Variants in NRXN2 observed in about 807,000 individuals in gnomAD.
The protein encoded by NRXN2 is neurexin-2-beta.
In NRXN2, 29 loss-of-function variants were observed where a neutral mutation model predicts 128.8. The observed-to-expected ratio is 0.23, with a 90% CI of 0.17 to 0.31. The LOEUF is 0.31. NRXN2 is among the 10% of genes least tolerant of loss of function. The probability of loss-of-function intolerance (pLI) is 1.00; values close to 1 mark genes in which losing one functional copy is unlikely to be tolerated. For missense variants in NRXN2, 1,881 were observed against 2,452.6 expected, an observed-to-expected ratio of 0.77 and a Z score of 4.92; for synonymous variants, 1,098 against 1,075.2, an observed-to-expected ratio of 1.02 and a Z score of -0.41.
At position 64,635,241 on chromosome 11, in the gene NRXN2, G is replaced by A. The variant is rs2044530846; in HGVS notation, c.3585+30C>T. The stretch of plus-strand genomic sequence containing the variant: ...ACTGATTTGGGAGCAGGAAGCTTGA[G>A]GTTGAAGGGTTGGGGCCCAGGGTCC... On this transcript the variant is annotated intron_variant, in intron 18 of 22. Coordinates refer to ENST00000265459, the MANE Select transcript of NRXN2 (RefSeq NM_015080.4). The surrounding 1 kb of genome is among the most constrained non-coding windows in gnomAD (Gnocchi z 4.8). The A allele has an allele frequency of 1.9e-6, 3 of 1,610,698 alleles. No homozygotes were observed. Among genetic ancestry groups the A allele is most frequent in the Non-Finnish European group, 2.5e-6 (3 of 1,179,310 alleles).
At chr11:64,664,510 A>AT (rs913649813) in intron 9 of NRXN2, among the ~76,000 whole-genome samples, 29 of 151,838 alleles carry the variant, frequency 1.9e-4, no homozygotes, top group African/African-American at 5.8e-4. Flanking sequence ...ACTATGGTAA[A>AT]TTTTTTTTGC....
At chr11:64,703,380 C>T (rs143820446) in intron 2 of NRXN2, among the ~76,000 whole-genome samples, 1 of 152,324 alleles carries the variant, frequency 6.6e-6, no homozygotes, top group Non-Finnish European at 1.5e-5. Context: ...ATGGATATTA[C>T]TATCACTCCC....
chr11:64,688,301 C>A (rs970050390), intron 5 of NRXN2: 14 of 985,310 alleles, frequency 1.4e-5, no homozygotes, highest in African/African-American at 1.7e-5. Context: ...CCACCGGAGA[C>A]CTGGGTCAGC....
intron 2 of NRXN2, among the ~76,000 whole-genome samples, chr11:64,701,776 G>T (rs191222479): frequency 3.3e-5 from 5 of 151,996 alleles, no homozygotes; most frequent in African/African-American, 1.2e-4. Context: ...GGGGGGAAGT[G>T]GGGGGATCAG....
chr11:64,691,850 A>C (rs1242795685), intron 4 of NRXN2, among the ~76,000 whole-genome samples: 1 of 152,222 alleles, frequency 6.6e-6, no homozygotes, highest in African/African-American at 2.4e-5. Flanking sequence ...TTCTCCCTGC[A>C]GCCCAATCTT....
At chr11:64,707,770 C>G (rs948401370) in intron 2 of NRXN2, among the ~76,000 whole-genome samples, 4 of 152,216 alleles carry the variant, frequency 2.6e-5, no homozygotes, top group African/African-American at 9.6e-5. Flanking sequence ...ACACACTGGA[C>G]AGCTTTTTTA....
intron 3 of NRXN2, among the ~76,000 whole-genome samples, chr11:64,696,496 T>C (rs973035036): frequency 6.7e-6 from 1 of 150,008 alleles, no homozygotes; most frequent in African/African-American, 2.5e-5. Flanking sequence ...AATGTATGTG[T>C]ATGCAGACAT....
rs753965753 is a variant in NRXN2 at position 64,685,795 on chromosome 11, C to T, written c.1003G>A (p.Asp335Asn). ...GACTTGAGGGACAGGTTGACGTAGTCGGCCGACTTGCCTGTATGCAGCATC... is the reference window on the plus strand; with the variant it reads ...GACTTGAGGGACAGGTTGACGTAGTTGGCCGACTTGCCTGTATGCAGCATC... ...GLMLHTGKSA[D>N]YVNLSLKSGA... The change falls in exon 6 of 23, where the codon GAC (aspartate) becomes AAC (asparagine). Residue 335 changes from aspartate (D) to asparagine (N), a missense_variant. By Grantham distance (23) the Asp-to-Asn change is conservative. This residue lies in a region of NRXN2 where 997 missense variants were observed against 1,240.8 expected (regional missense o/e 0.80). Coordinates refer to ENST00000265459, the MANE Select transcript of NRXN2 (RefSeq NM_015080.4). The T allele has an allele frequency of 1.9e-6, 3 of 1,614,228 alleles. No homozygotes were observed. Among genetic ancestry groups the T allele is most frequent in the Non-Finnish European group, 2.5e-6 (3 of 1,180,046 alleles).
At position 64,650,437 on chromosome 11, in the gene NRXN2, C is replaced by T. The variant is rs770351505; in HGVS notation, c.3109+11G>A. ...CTAGGGCCAGGCCTTCTCCAGAGGC[C>T]CCAGCCCCACCTTTGAGATCGAGGT... On this transcript the variant is annotated intron_variant, in intron 15 of 22. Transcript: ENST00000265459. 12 of 1,613,998 alleles carry T rather than the reference C, an allele frequency of 7.4e-6. No individual in the cohort carries two copies. In the South Asian group the frequency reaches 1.3e-4, roughly 18 times the overall value.
At chr11:64,638,374 T>C (rs1281081344) in intron 17 of NRXN2, among the ~76,000 whole-genome samples, 1 of 152,092 alleles carries the variant, frequency 6.6e-6, no homozygotes, top group African/African-American at 2.4e-5. Flanking sequence ...TGGGGAGACA[T>C]TTCTCTCCCC....
In NRXN2 at chr11:64,607,628, G is replaced by T; in HGVS notation, c.4707C>A (p.Asp1569Glu). Reference protein sequence around the residue: ...NLPAGKMNHRDPLQPLLENPP... With the variant: ...NLPAGKMNHREPLQPLLENPP... ...GGTTCTCCAGCAAGGGCTGAAGCGGGTCTCGGTGGTTCATTTTGCCCGCCG... is the reference window on the plus strand; with the variant it reads ...GGTTCTCCAGCAAGGGCTGAAGCGGTTCTCGGTGGTTCATTTTGCCCGCCG... The change falls in exon 23 of 23, where the codon GAC (aspartate) becomes GAA (glutamate). Residue 1569 changes from aspartate (D) to glutamate (E), a missense_variant. Physicochemically the swap from Asp to Glu is conservative, Grantham distance 45 (BLOSUM62 2). Coordinates refer to ENST00000265459, the MANE Select transcript of NRXN2 (RefSeq NM_015080.4). 6.5e-7 allele frequency: 1 copy of T among 1,533,614 alleles called. No homozygotes were observed. Among genetic ancestry groups the T allele is most frequent in the Non-Finnish European group, 8.8e-7 (1 of 1,142,010 alleles).
intron 6 of NRXN2, among the ~76,000 whole-genome samples, chr11:64,677,405 T>C (rs1204526957): frequency 6.8e-6 from 1 of 148,028 alleles, no homozygotes; most frequent in Non-Finnish European, 1.5e-5. Context: ...GTTAGAGACC[T>C]TGGTTAGTAG....
In NRXN2 at chr11:64,651,925, G is replaced by T; in HGVS notation, c.2536+110C>A. On this transcript the variant is annotated intron_variant, in intron 13 of 22. Transcript: ENST00000265459. This position sits in a 1 kb window ranked among gnomAD's most constrained non-coding sequence, Gnocchi z 5.9. ...GAAGGAGAAATGGCAGAGGCAGCTT[G>T]CCAGAACACTGCCCTAGGAATGGCA... 6.5e-7 allele frequency: 1 copy of T among 1,529,812 alleles called. No homozygotes were observed. Among genetic ancestry groups the T allele is most frequent in the Non-Finnish European group, 9.0e-7 (1 of 1,116,900 alleles). The allele number at this position is 1,529,812 out of a possible 1,614,324, so 94.8% of individuals were successfully genotyped here.
At chr11:64,626,259 C>T (rs547081111) in intron 20 of NRXN2, among the ~76,000 whole-genome samples, 1 of 152,184 alleles carries the variant, frequency 6.6e-6, no homozygotes, top group East Asian at 1.9e-4. Context: ...GAAAAAACCC[C>T]ACTCCTACCC....
intron 22 of NRXN2, 57 bp from the exon 23 acceptor site, chr11:64,608,139 C>T: frequency 7.6e-7 from 1 of 1,310,276 alleles, no homozygotes; most frequent in Non-Finnish European, 1.1e-6. Context: ...AGGGCGCAGG[C>T]GGCCGGCACA....
intron 6 of NRXN2, among the ~76,000 whole-genome samples, chr11:64,678,113 G>T (rs1036934910): frequency 1.3e-5 from 2 of 151,996 alleles, no homozygotes; most frequent in African/African-American, 4.8e-5. Flanking sequence ...TTTTGTTTTT[G>T]TTTTCTTCTC....
At chr11:64,686,638 G>A (rs1212728465) in intron 5 of NRXN2, among the ~76,000 whole-genome samples, 1 of 152,210 alleles carries the variant, frequency 6.6e-6, no homozygotes, top group Non-Finnish European at 1.5e-5. Flanking sequence ...CACAGCCCCA[G>A]CTATCATCTC....
At position 64,626,492 on chromosome 11, in the gene NRXN2, C is replaced by A; in HGVS notation, c.3818G>T (p.Arg1273Leu). The change falls in exon 20 of 23, where the codon CGA becomes CTA. Residue 1273 changes from arginine (R) to leucine (L), a missense_variant. By Grantham distance (102) the Arg-to-Leu change is moderately radical. Coordinates refer to ENST00000265459, the MANE Select transcript of NRXN2 (RefSeq NM_015080.4). ...GTCGAGCAGCCACTCATCTACTACT[C>A]GACCAAGCCGGTAGGGGATTCTCTG... is the stretch of plus-strand genomic sequence containing the variant. ...ARQRIPYRLG[R>L]VVDEWLLDKG... 1 of 1,613,992 alleles carries A rather than the reference C, an allele frequency of 6.2e-7. No individual in the cohort carries two copies. The highest frequency in any genetic ancestry group is 8.5e-7 in the Non-Finnish European group (1 of 1,179,886).
chr11:64,716,242 G>A (rs1356639694), intron 1 of NRXN2, among the ~76,000 whole-genome samples: 1 of 152,182 alleles, frequency 6.6e-6, no homozygotes, highest in Non-Finnish European at 1.5e-5. Context: ...ATTTCGTGCT[G>A]CTGTCCAGTC....
Sources: gnomAD v4.1 joint callset for allele counts (sites outside exome capture counted in the v4.1 genomes callset) on GRCh38, gnomAD v4.1.1 for gene constraint, gnomAD v4.1.1 regional missense constraint, Gnocchi (gnomAD v3.1) non-coding constraint, MANE v1.5 for transcripts, NCBI Gene and HGNC (gene_info 2026-07-23, HGNC 2026-07-21) for gene names.